Variants in CREM observed in about 807,000 individuals in gnomAD.
CREM encodes cAMP-responsive element modulator.
In CREM, 13 loss-of-function variants were observed where a neutral mutation model predicts 37.3. The ratio of observed to expected loss-of-function variants is 0.35; its 90% CI spans 0.23 to 0.55. CREM has a LOEUF of 0.55. Among genes scored for constraint, CREM ranks in the 20% least tolerant of loss-of-function variants. CREM has a pLI of 0.88. For synonymous variants in CREM, 124 were observed against 120.2 expected (o/e 1.03, Z -0.21); for missense variants, 296 against 362.3 (o/e 0.82, Z 1.49).
rs189911365 is a variant in CREM, at chr10:35,188,685, A to C, written c.598+297A>C. On this transcript the variant is annotated intron_variant, in intron 6 of 7. Coordinates refer to ENST00000685392, the MANE Select transcript of CREM (RefSeq NM_183011.2). ...TTTTTTTTTTTTTTTTTTGAGATGG[A>C]GTCTCGCTCTGGCGCCCAGGCTGGA... is the stretch of plus-strand genomic sequence containing the variant. Among the ~76,000 whole-genome samples the C allele has an allele frequency of 2.9e-3, 420 of 142,570 alleles. 2 individuals carry two copies. Among genetic ancestry groups the C allele is most frequent in the African/African-American group, 9.5e-3 (358 of 37,852 alleles). The allele number at this position is 142,570 out of a possible 152,430, so 93.5% of individuals were successfully genotyped here. A position where few individuals can be genotyped will look rare whatever the true frequency, so the allele number is the denominator to read the frequency against.
rs117113368 is a variant in CREM at position 35,176,100 on chromosome 10, C to T, written c.169-2789C>T. ...CATTTTTCTTTATGAAGTGCTTATA[C>T]GCAAATCTTTTTATTAGATATTTGG... On this transcript the variant is annotated intron_variant, in intron 3 of 7. Transcript: ENST00000685392. The T allele has an allele frequency of 6.8e-4, 961 of 1,422,464 alleles. 13 individuals are homozygous for T. The East Asian group carries it at 0.018, about 26-fold the overall frequency. The allele number at this position is 1,422,464 out of a possible 1,614,324, so 88.1% of individuals were successfully genotyped here.
At chr10:35,169,262 C>T (rs941922961) in intron 3 of CREM, among the ~76,000 whole-genome samples, 22 of 152,296 alleles carry the variant, frequency 1.4e-4, no homozygotes, top group African/African-American at 5.3e-4. Flanking sequence ...TTTGTGTCCT[C>T]TTTTATTTCA....
At chr10:35,148,513 T>C in intron 3 of CREM, 22 bp downstream of exon 3, 3 of 1,596,884 alleles carry the variant, frequency 1.9e-6, no homozygotes, top group Non-Finnish European at 2.6e-6. Flanking sequence ...GCAGGCACCG[T>C]TGAAAGTCAA....
intron 1 of CREM, among the ~76,000 whole-genome samples, chr10:35,137,423 C>A (rs1457705680): frequency 2.0e-5 from 3 of 152,062 alleles, no homozygotes; most frequent in Admixed American, 2.0e-4. Context: ...AAAAATAGAG[C>A]TGATACCTAT....
At chr10:35,134,373 C>T (rs768882347) in intron 1 of CREM, among the ~76,000 whole-genome samples, 3 of 152,132 alleles carry the variant, frequency 2.0e-5, no homozygotes, top group Admixed American at 6.5e-5. Flanking sequence ...CATGCCACCA[C>T]GCCTGGCTAC....
chr10:35,176,597 G>C (rs776535612), intron 3 of CREM, among the ~76,000 whole-genome samples: 28 of 151,832 alleles, frequency 1.8e-4, no homozygotes, highest in Non-Finnish European at 2.8e-4. Context: ...TTTTAGTAGA[G>C]ATGGGGTTTC....
At chr10:35,184,938 A>G (rs530267274) in intron 5 of CREM, among the ~76,000 whole-genome samples, 39 of 152,262 alleles carry the variant, frequency 2.6e-4, no homozygotes, top group African/African-American at 8.9e-4. Flanking sequence ...ACTAGGTTCT[A>G]TGATTGGAAT....
At chr10:35,185,741 T>C (rs948912194) in intron 5 of CREM, among the ~76,000 whole-genome samples, 1 of 152,200 alleles carries the variant, frequency 6.6e-6, no homozygotes, top group African/African-American at 2.4e-5. Context: ...CCAGATAAAG[T>C]GCTGTTACAT....
At chr10:35,160,164 A>T (rs1298502863) in intron 3 of CREM, among the ~76,000 whole-genome samples, 1 of 152,136 alleles carries the variant, frequency 6.6e-6, no homozygotes, top group Non-Finnish European at 1.5e-5. Flanking sequence ...TGGGCTGCAA[A>T]CCTGTATAGG....
At chr10:35,201,393 CA>C in intron 6 of CREM, 1 of 1,544,130 alleles carries the variant, frequency 6.5e-7, no homozygotes, top group African/African-American at 1.4e-5. Context: ...GACACTTTGA[CA>C]TACATTGTAG....
rs1030346929 is a variant in CREM, at chr10:35,211,490, G to A, written c.*92G>A. 4 of 1,526,894 alleles carry A rather than the reference G, an allele frequency of 2.6e-6. No individual in the cohort carries two copies. The highest frequency in any genetic ancestry group is 3.9e-5 in the Admixed American group (2 of 51,528). 94.6% of individuals were successfully genotyped at this position (1,526,894 alleles called of 1,614,324 possible). A position where few individuals can be genotyped will look rare whatever the true frequency, so the allele number is the denominator to read the frequency against. ...ATGTGGACTTGTGGGAAGGACACGTGTGACCCTTAAGAATCCAGTTTGGAT... is the reference window on the plus strand; with the variant it reads ...ATGTGGACTTGTGGGAAGGACACGTATGACCCTTAAGAATCCAGTTTGGAT... On this transcript the variant is annotated 3_prime_UTR_variant, in exon 8 of 8. Transcript: ENST00000685392.
intron 3 of CREM, among the ~76,000 whole-genome samples, chr10:35,178,506 C>T (rs1015048607): frequency 6.6e-6 from 1 of 152,228 alleles, no homozygotes; most frequent in African/African-American, 2.4e-5. Flanking sequence ...GAGCTCTCTT[C>T]TGCGTTGGCC....
At chr10:35,183,595 ACT>A (rs1316692696) in intron 5 of CREM, among the ~76,000 whole-genome samples, 9 of 152,128 alleles carry the variant, frequency 5.9e-5, no homozygotes, top group Admixed American at 5.9e-4. Context: ...TCTTATGGTC[ACT>A]CTGAATTTAA....
chr10:35,205,114 C>T (rs1254153559), intron 6 of CREM, among the ~76,000 whole-genome samples: 2 of 152,310 alleles, frequency 1.3e-5, no homozygotes, highest in African/African-American at 2.4e-5. Context: ...CTGGACCATA[C>T]GTTCTCAATG....
At chr10:35,206,257 AAAAT>A (rs1275819537) in intron 6 of CREM, among the ~76,000 whole-genome samples, 2 of 150,824 alleles carry the variant, frequency 1.3e-5, no homozygotes, top group Non-Finnish European at 3.0e-5. Context: ...CAAAAAAAAA[AAAAT>A]ATGTGTGTGT....
intron 5 of CREM, among the ~76,000 whole-genome samples, chr10:35,182,658 T>G (rs2094400547): frequency 6.6e-6 from 1 of 152,176 alleles, no homozygotes; most frequent in Non-Finnish European, 1.5e-5. Context: ...GAAGTTGGCC[T>G]TATTATATTG....
At chr10:35,190,991 A>C (rs2094889798) in intron 6 of CREM, among the ~76,000 whole-genome samples, 1 of 152,156 alleles carries the variant, frequency 6.6e-6, no homozygotes. Flanking sequence ...GGAGAGCTGA[A>C]GTCTTCATAA....
At chr10:35,127,317 C>T (rs1301404579) in intron 1 of CREM, 124 bp downstream of exon 1, 1 of 152,314 alleles carries the variant, frequency 6.6e-6, no homozygotes, top group Admixed American at 6.6e-5. Context: ...CGAGCGGAGC[C>T]GTGGGCGGCG....
intron 3 of CREM, chr10:35,167,697 A>G (rs760932537): frequency 6.2e-7 from 1 of 1,607,412 alleles, no homozygotes; most frequent in Non-Finnish European, 8.5e-7. Context: ...CTTCAGATTA[A>G]GTACTGTTTA....
Sources: gnomAD v4.1 joint callset for allele counts (sites outside exome capture counted in the v4.1 genomes callset) on GRCh38, gnomAD v4.1.1 for gene constraint, MANE v1.5 for transcripts, NCBI Gene and HGNC (gene_info 2026-07-23, HGNC 2026-07-21) for gene names.